Variants in C4orf51 observed in about 807,000 individuals in gnomAD.
The protein encoded by C4orf51 is chromosome 4 open reading frame 51.
C4orf51 carries 25 observed loss-of-function variants against 25.2 expected under a neutral mutation model. That is an observed-to-expected ratio of 0.99 (90% CI 0.72 to 1.39). C4orf51 has a LOEUF of 1.39. C4orf51 is among the 40% of genes most tolerant of loss of function. C4orf51 has a pLI of 0.00. For missense variants in C4orf51, 252 were observed against 239.6 expected, an observed-to-expected ratio of 1.05 and a Z score of -0.34; for synonymous variants, 100 against 84.5, an observed-to-expected ratio of 1.18 and a Z score of -1.01.
At chr4:145,730,081 T>C (rs1732376898) in intron 5 of C4orf51, 116 bp downstream of exon 5, 4 of 798,874 alleles carry the variant, frequency 5.0e-6, no homozygotes, top group Non-Finnish European at 8.5e-6. Flanking sequence ...TTAGAGTTGG[T>C]ATAAAAGTAT....
At chr4:145,788,670 A>G in the C4orf51 span, among the ~76,000 whole-genome samples, 1 of 152,202 alleles carries the variant, frequency 6.6e-6, no homozygotes, top group Admixed American at 6.5e-5. Context: ...CAAACTGACA[A>G]TATTGATTCA....
intron 2 of C4orf51, among the ~76,000 whole-genome samples, chr4:145,702,854 A>G (rs1730544471): frequency 7.4e-6 from 1 of 135,874 alleles, no homozygotes; most frequent in African/African-American, 2.7e-5. Flanking sequence ...TAACATCCCC[A>G]CAATATCACC....
chr4:145,710,438 G>T (rs1240356005), intron 2 of C4orf51, among the ~76,000 whole-genome samples: 1 of 152,202 alleles, frequency 6.6e-6, no homozygotes, highest in East Asian at 1.9e-4. Flanking sequence ...TTCCCTTAGG[G>T]TGGGCTGTCT....
At position 145,762,155 on chromosome 4, in the gene C4orf51, G is replaced by A. The variant is rs575228557; in HGVS notation, n.167-8833G>A. Among the ~76,000 whole-genome samples the A allele has an allele frequency of 5.3e-5, 8 of 152,192 alleles. No homozygotes were observed. Among genetic ancestry groups the A allele is most frequent in the African/African-American group, 1.9e-4 (8 of 41,428 alleles). On this transcript the variant is annotated intron_variant and non_coding_transcript_variant, in intron 1 of 1. Transcript: ENST00000510096. The surrounding 1 kb of genome is among the most constrained non-coding windows in gnomAD (Gnocchi z 4.9). ...AATCGTGCTTATTAAGGGTTTGTTA[G>A]GATGAGAAGGCCTGTGTGTGTCTCT...
Position 145,763,595 on chromosome 4 carries a change from G to A in C4orf51, n.167-7393G>A, listed in dbSNP as rs762322375. Among the ~76,000 whole-genome samples, 4 of 152,188 alleles carry A rather than the reference G, an allele frequency of 2.6e-5. No homozygotes were observed. Among genetic ancestry groups the A allele is most frequent in the Non-Finnish European group, 4.4e-5 (3 of 68,026 alleles). ...ACTTTGGAGGTCCCTGAGGAAAGGC[G>A]AACTGGCAAAGCCACAACTGGCAGG... On this transcript the variant is annotated intron_variant and non_coding_transcript_variant, in intron 1 of 1. Transcript: ENST00000510096. This position sits in a 1 kb window ranked among gnomAD's most constrained non-coding sequence, Gnocchi z 4.6.
the C4orf51 span, chr4:145,776,100 A>T: frequency 1.1e-6 from 1 of 928,796 alleles, no homozygotes; most frequent in Non-Finnish European, 1.6e-6. Context: ...ATGCCTAGGA[A>T]TTGTAAGTAT....
intron 2 of C4orf51, among the ~76,000 whole-genome samples, chr4:145,701,947 C>T (rs967870175): frequency 1.3e-5 from 2 of 151,968 alleles, no homozygotes; most frequent in Non-Finnish European, 2.9e-5. Flanking sequence ...AAGCCTCCTT[C>T]GCGTCTTCCT....
intron 1 of C4orf51, among the ~76,000 whole-genome samples, chr4:145,750,016 T>C (rs1426291934): frequency 6.6e-6 from 1 of 152,204 alleles, no homozygotes; most frequent in East Asian, 1.9e-4. Flanking sequence ...TAATAAAGAC[T>C]CTACACTTTA....
chr4:145,762,188 A>T lies in C4orf51; in HGVS notation n.167-8800A>T, dbSNP rs151335921. Among the ~76,000 whole-genome samples the T allele has an allele frequency of 1.3e-3, 195 of 152,202 alleles. No homozygotes were observed. Among genetic ancestry groups the T allele is most frequent in the Middle Eastern group, 3.4e-3 (1 of 294 alleles). On this transcript the variant is annotated intron_variant and non_coding_transcript_variant, in intron 1 of 1. Transcript: ENST00000510096. The surrounding 1 kb of genome is among the most constrained non-coding windows in gnomAD (Gnocchi z 4.9). ...AGGCCTGTGTGTGTCTCTCTGTGTGAGTGTGTGCATGTGTACATATCTATG... is the reference window on the plus strand; with the variant it reads ...AGGCCTGTGTGTGTCTCTCTGTGTGTGTGTGTGCATGTGTACATATCTATG...
chr4:145,721,495 T>C (rs1731738303), intron 2 of C4orf51, among the ~76,000 whole-genome samples: 1 of 152,164 alleles, frequency 6.6e-6, no homozygotes, highest in Non-Finnish European at 1.5e-5. Context: ...GGGATGGGCC[T>C]CTGGACTCAG....
the C4orf51 span, among the ~76,000 whole-genome samples, chr4:145,792,405 T>G: frequency 6.7e-6 from 1 of 148,536 alleles, no homozygotes; most frequent in Non-Finnish European, 1.5e-5. Context: ...AGAAATGGCA[T>G]TACTACTGTC....
intron 2 of C4orf51, among the ~76,000 whole-genome samples, chr4:145,709,420 G>C (rs187042653): frequency 1.3e-5 from 2 of 152,340 alleles, no homozygotes; most frequent in East Asian, 3.9e-4. Flanking sequence ...GACAGGGAAA[G>C]GGTTGGAAGT....
intron 2 of C4orf51, among the ~76,000 whole-genome samples, chr4:145,722,090 A>T (rs1731772582): frequency 6.6e-6 from 1 of 152,210 alleles, no homozygotes; most frequent in African/African-American, 2.4e-5. Context: ...ACGAATAAAA[A>T]GACAGATAAA....
At chr4:145,720,564 G>A (rs561649527) in intron 2 of C4orf51, among the ~76,000 whole-genome samples, 8 of 152,214 alleles carry the variant, frequency 5.3e-5, no homozygotes, top group East Asian at 1.9e-4. Flanking sequence ...CATATTCCCC[G>A]GGAGTGTTCT....
At chr4:145,764,035 G>A (rs570189247) in intron 1 of C4orf51, among the ~76,000 whole-genome samples, 1 of 152,282 alleles carries the variant, frequency 6.6e-6, no homozygotes, top group Admixed American at 6.5e-5. Flanking sequence ...CCATCTAGGG[G>A]AGTCATGCCA....
intron 1 of C4orf51, among the ~76,000 whole-genome samples, chr4:145,690,825 G>A (rs887092649): frequency 6.6e-6 from 1 of 152,096 alleles, no homozygotes; most frequent in Non-Finnish European, 1.5e-5. Flanking sequence ...AAAGGGCCAG[G>A]TGTGGTGGCT....
chr4:145,691,265 A>G (rs927158469), intron 1 of C4orf51, among the ~76,000 whole-genome samples: 1 of 152,204 alleles, frequency 6.6e-6, no homozygotes, highest in Non-Finnish European at 1.5e-5. Context: ...ACTAATCAGA[A>G]TGGCTACTAA....
chr4:145,733,451 C>T (rs935932533), downstream of C4orf51, among the ~76,000 whole-genome samples: 3 of 152,232 alleles, frequency 2.0e-5, no homozygotes, highest in Non-Finnish European at 2.9e-5. Context: ...GCGAAGGGCC[C>T]CGGCAGCCGC....
At chr4:145,741,338 C>CT (rs1391857137) in intron 1 of C4orf51, among the ~76,000 whole-genome samples, 4 of 152,176 alleles carry the variant, frequency 2.6e-5, no homozygotes, top group East Asian at 3.9e-4. Flanking sequence ...ATCCTTTGAC[C>CT]TTTTTTTATT....
Sources: allele counts gnomAD v4.1 joint callset (sites outside exome capture counted in the v4.1 genomes callset), GRCh38; gene constraint gnomAD v4.1.1; non-coding constraint Gnocchi (gnomAD v3.1); transcripts MANE v1.5; gene names NCBI Gene and HGNC (gene_info 2026-07-23, HGNC 2026-07-21).